The following IL1RAPL2 variants were observed in gnomAD, a reference collection of about 807,000 sequenced individuals.
IL1RAPL2 encodes X-linked interleukin-1 receptor accessory protein-like 2.
Under a neutral mutation model 44.1 loss-of-function variants are expected in IL1RAPL2, and 3 were observed. That is an observed-to-expected ratio of 0.07 (90% CI 0.03 to 0.18). The LOEUF is 0.18. Among genes scored for constraint, IL1RAPL2 ranks in the 10% least tolerant of loss-of-function variants. The pLI is 1.00. For synonymous variants in IL1RAPL2, 181 were observed against 178.8 expected (o/e 1.01, Z -0.10); for missense variants, 391 against 496.4 (o/e 0.79, Z 2.02).
chrX:105,174,988 C>T (rs1306523023), intron 2 of IL1RAPL2, among the ~76,000 whole-genome samples: 1 of 111,867 alleles, frequency 8.9e-6, no homozygotes, highest in Non-Finnish European at 1.9e-5. Flanking sequence ...TGTGGGACCT[C>T]AAGCAAGGCA....
intron 1 of IL1RAPL2, among the ~76,000 whole-genome samples, chrX:104,607,359 T>G (rs1929039308): frequency 9.0e-6 from 1 of 111,706 alleles, no homozygotes; most frequent in Admixed American, 9.5e-5. Context: ...ACACCAAAAG[T>G]AATGGCAACA....
chrX:104,900,104 T>G (rs1277165545), intron 2 of IL1RAPL2, among the ~76,000 whole-genome samples: 1 of 111,968 alleles, frequency 8.9e-6, no homozygotes, highest in Non-Finnish European at 1.9e-5. Flanking sequence ...ATTCCCATTT[T>G]CCTCATCTGC....
intron 2 of IL1RAPL2, among the ~76,000 whole-genome samples, chrX:104,725,619 T>C (rs1189101550): frequency 8.9e-6 from 1 of 112,458 alleles, no homozygotes; most frequent in Non-Finnish European, 1.9e-5. Context: ...TTGATTTGCA[T>C]TTCTCTAATG....
intron 2 of IL1RAPL2, among the ~76,000 whole-genome samples, chrX:105,166,704 G>A (rs1002821104): frequency 8.9e-6 from 1 of 112,160 alleles, no homozygotes; most frequent in African/African-American, 3.2e-5. Flanking sequence ...TGCTCATTCT[G>A]GACACTTGGA....
At chrX:105,485,583 C>A (rs775120264) in intron 6 of IL1RAPL2, among the ~76,000 whole-genome samples, 1 of 111,430 alleles carries the variant, frequency 9.0e-6, no homozygotes, top group Non-Finnish European at 1.9e-5. Flanking sequence ...TGCCCATTAA[C>A]CATTCCTACT....
intron 2 of IL1RAPL2, among the ~76,000 whole-genome samples, chrX:104,677,587 G>GAGGC (rs936743003): frequency 2.7e-5 from 3 of 112,623 alleles, no homozygotes; most frequent in Non-Finnish European, 5.6e-5. Flanking sequence ...GGAGCCTACA[G>GAGGC]AGGCAGGCAG....
At chrX:104,625,646 T>C (rs1222167712) in intron 1 of IL1RAPL2, among the ~76,000 whole-genome samples, 1 of 111,549 alleles carries the variant, frequency 9.0e-6, no homozygotes, top group Non-Finnish European at 1.9e-5. Flanking sequence ...GTTCATGCCT[T>C]GGGATATTTG....
chrX:104,635,936 C>A (rs761363810), intron 1 of IL1RAPL2, among the ~76,000 whole-genome samples: 91 of 111,819 alleles, frequency 8.1e-4, no homozygotes, highest in African/African-American at 2.8e-3. Context: ...TTAGAGTTTC[C>A]AGTTTTTCTG....
chrX:105,607,532 A>G (rs867955889), intron 6 of IL1RAPL2, among the ~76,000 whole-genome samples: 3 of 104,664 alleles, frequency 2.9e-5, no homozygotes, highest in African/African-American at 1.0e-4. Flanking sequence ...TTTAATTATG[A>G]TAACTTTATA....
At chrX:105,697,391 G>C (rs192887384) in intron 6 of IL1RAPL2, among the ~76,000 whole-genome samples, 47 of 111,167 alleles carry the variant, frequency 4.2e-4, no homozygotes, top group African/African-American at 1.5e-3. Context: ...GTTTGAAGCA[G>C]GACTATAAGT....
Position 105,133,402 on chromosome X carries a change from T to A in IL1RAPL2, c.83-62073T>A, listed in dbSNP as rs369945265. 1.4e-4 allele frequency among the ~76,000 whole-genome samples: 16 copies of A among 111,511 alleles called. No homozygotes were observed. In the East Asian group the frequency reaches 4.3e-3, roughly 30 times the overall value. The stretch of plus-strand genomic sequence containing the variant: ...ACTTAAGGAAATTCAACTTTAATAT[T>A]TTCTGTATGGTAAAAATAATTTTTA... On this transcript the variant is annotated intron_variant, in intron 2 of 10. Transcript: ENST00000372582.
intron 2 of IL1RAPL2, among the ~76,000 whole-genome samples, chrX:104,934,965 C>T (rs1229272793): frequency 2.7e-5 from 3 of 111,973 alleles, no homozygotes; most frequent in African/African-American, 9.7e-5. Context: ...TCAATGAGAT[C>T]AGTAACTCTT....
At chrX:105,521,165 C>T (rs775104292) in intron 6 of IL1RAPL2, among the ~76,000 whole-genome samples, 2 of 103,707 alleles carry the variant, frequency 1.9e-5, no homozygotes, top group South Asian at 4.7e-4. Flanking sequence ...AGGATGGTCA[C>T]GATCTCCTGA....
intron 1 of IL1RAPL2, among the ~76,000 whole-genome samples, chrX:104,613,575 T>C (rs1383640395): frequency 9.0e-6 from 1 of 111,458 alleles, no homozygotes; most frequent in Non-Finnish European, 1.9e-5. Context: ...TGCTAGTATG[T>C]TGTTGAGGAT....
chrX:105,250,849 T>C (rs1233278124), intron 4 of IL1RAPL2, among the ~76,000 whole-genome samples: 1 of 110,479 alleles, frequency 9.1e-6, no homozygotes, highest in Non-Finnish European at 1.9e-5. Context: ...ACAACATCAA[T>C]TGAAACAGTA....
chrX:105,067,746 TAA>T (rs1165673019), intron 2 of IL1RAPL2, among the ~76,000 whole-genome samples: 1 of 112,082 alleles, frequency 8.9e-6, no homozygotes, highest in African/African-American at 3.2e-5. Flanking sequence ...TAGGAAACTT[TAA>T]AACTCAGGCA....
chrX:105,408,828 G>T (rs1422035585), intron 5 of IL1RAPL2, among the ~76,000 whole-genome samples: 1 of 109,517 alleles, frequency 9.1e-6, no homozygotes, highest in Non-Finnish European at 1.9e-5. Flanking sequence ...CTTAGAAACT[G>T]CAGATTTTAG....
At chrX:104,983,541 T>C (rs1202320273) in intron 2 of IL1RAPL2, among the ~76,000 whole-genome samples, 6 of 98,297 alleles carry the variant, frequency 6.1e-5, no homozygotes, top group Admixed American at 2.4e-4. Flanking sequence ...TATTATATAA[T>C]ATTATATTAT....
intron 6 of IL1RAPL2, among the ~76,000 whole-genome samples, chrX:105,583,870 A>C (rs2037108066): frequency 1.8e-5 from 2 of 112,046 alleles, no homozygotes; most frequent in Non-Finnish European, 3.8e-5. Context: ...ATAATCGTTT[A>C]ATATGTAAAT....
Sources: gnomAD v4.1 joint callset for allele counts (sites outside exome capture counted in the v4.1 genomes callset) on GRCh38, gnomAD v4.1.1 for gene constraint, MANE v1.5 for transcripts, NCBI Gene and HGNC (gene_info 2026-07-23, HGNC 2026-07-21) for gene names.